TENM1: variants seen among roughly 807,000 people sequenced by gnomAD.
TENM1 encodes the protein teneurin-1.
TENM1 carries 35 observed loss-of-function variants against 174.8 expected under a neutral mutation model. That is an observed-to-expected ratio of 0.20 (90% CI 0.15 to 0.27). The LOEUF is 0.27. TENM1 is among the 10% of genes least tolerant of loss of function. The pLI, the probability that TENM1 is intolerant of heterozygous loss-of-function variation, is 1.00. For missense variants in TENM1, 1,633 were observed against 2,130.1 expected (o/e 0.77, Z 4.59); for synonymous variants, 781 against 798.7 (o/e 0.98, Z 0.37).
At chrX:124,880,235 T>C (rs1346065951) in intron 3 of TENM1, among the ~76,000 whole-genome samples, 2 of 111,775 alleles carry the variant, frequency 1.8e-5, no homozygotes, top group Admixed American at 1.9e-4. Flanking sequence ...TTCTTGGTAG[T>C]GGTCTTTCAG....
chrX:124,636,754 ATTT>A (rs1266622622), intron 11 of TENM1, among the ~76,000 whole-genome samples: 1 of 111,860 alleles, frequency 8.9e-6, no homozygotes, highest in Non-Finnish European at 1.9e-5. Flanking sequence ...TGGACCAATT[ATTT>A]AACCTTTCTG....
chrX:124,642,484 T>C (rs2051043561), intron 10 of TENM1, among the ~76,000 whole-genome samples: 1 of 112,564 alleles, frequency 8.9e-6, no homozygotes, highest in Admixed American at 9.4e-5. Context: ...GTGAATGCTG[T>C]TGCATGAAAT....
chrX:124,635,968 G>A (rs2050868539), intron 11 of TENM1, among the ~76,000 whole-genome samples: 1 of 111,987 alleles, frequency 8.9e-6, no homozygotes, highest in Non-Finnish European at 1.9e-5. Flanking sequence ...AGGCCATCAG[G>A]TTAAAGAAGC....
At chrX:125,129,750 ATCCATGT>A in the TENM1 span, among the ~76,000 whole-genome samples, 2 of 111,049 alleles carry the variant, frequency 1.8e-5, no homozygotes, top group Admixed American at 9.7e-5. Context: ...CTCCAGTTCC[ATCCATGT>A]TCCTGCAAAT....
intron 11 of TENM1, among the ~76,000 whole-genome samples, chrX:124,636,951 A>G (rs1286193477): frequency 8.9e-6 from 1 of 112,037 alleles, no homozygotes; most frequent in Non-Finnish European, 1.9e-5. Flanking sequence ...TAATAGATGA[A>G]TATTTCACAT....
the TENM1 span, among the ~76,000 whole-genome samples, chrX:125,105,694 T>C: frequency 9.0e-6 from 1 of 111,653 alleles, no homozygotes; most frequent in Non-Finnish European, 1.9e-5. Context: ...GGAAGGACAG[T>C]GACAGCACAG....
the TENM1 span, among the ~76,000 whole-genome samples, chrX:125,051,167 C>T: frequency 2.7e-5 from 3 of 111,303 alleles, no homozygotes; most frequent in African/African-American, 6.5e-5. Flanking sequence ...TCAAGGAGAA[C>T]TACAAACCAC....
At chrX:125,173,479 A>G in the TENM1 span, among the ~76,000 whole-genome samples, 1 of 110,926 alleles carries the variant, frequency 9.0e-6, no homozygotes, top group Non-Finnish European at 1.9e-5. Flanking sequence ...TACTAGTGCT[A>G]AGTATAGTGC....
chrX:124,425,627 CTAAA>C (rs1463101304), intron 23 of TENM1, among the ~76,000 whole-genome samples: 1 of 112,180 alleles, frequency 8.9e-6, no homozygotes, highest in Non-Finnish European at 1.9e-5. Context: ...GAACCAAGAG[CTAAA>C]TAAATGTTTT....
chrX:125,133,546 G>A, the TENM1 span, among the ~76,000 whole-genome samples: 1 of 111,483 alleles, frequency 9.0e-6, no homozygotes, highest in Non-Finnish European at 1.9e-5. Flanking sequence ...GGCATCAAGA[G>A]AAATTAGCAG....
chrX:124,631,770 T>C (rs746281863), intron 11 of TENM1, among the ~76,000 whole-genome samples: 186 of 106,207 alleles, frequency 1.8e-3, no homozygotes, highest in African/African-American at 5.9e-3. Flanking sequence ...TGTGGTGGCA[T>C]GTGCCTGTAA....
the TENM1 span, among the ~76,000 whole-genome samples, chrX:125,004,952 G>A: frequency 1.8e-5 from 2 of 110,790 alleles, no homozygotes; most frequent in Non-Finnish European, 3.8e-5. Flanking sequence ...GACTGGCTCA[G>A]GATACTAGAG....
At chrX:124,970,015 C>T in the TENM1 span, among the ~76,000 whole-genome samples, 240 of 111,889 alleles carry the variant, frequency 2.1e-3, 2 homozygotes, top group Middle Eastern at 9.2e-3. Flanking sequence ...CCTTTGTCCT[C>T]CTCTCCCTAT....
intron 25 of TENM1, among the ~76,000 whole-genome samples, chrX:124,412,482 C>T (rs1386435727): frequency 8.9e-6 from 1 of 112,044 alleles, no homozygotes; most frequent in East Asian, 2.8e-4. Flanking sequence ...TAGAGGCTCC[C>T]ACACCTTTGC....
At chrX:124,540,392 AC>A (rs2048292932) in intron 15 of TENM1, among the ~76,000 whole-genome samples, 3 of 112,211 alleles carry the variant, frequency 2.7e-5, no homozygotes, top group Non-Finnish European at 5.6e-5. Flanking sequence ...CTCTGGAAAT[AC>A]CAATATTGTA....
the TENM1 span, among the ~76,000 whole-genome samples, chrX:125,032,445 C>T: frequency 9.0e-6 from 1 of 111,140 alleles, no homozygotes. Context: ...GCTGGGATTA[C>T]AGGAGTGAGC....
chrX:125,112,513 TTG>T, the TENM1 span, among the ~76,000 whole-genome samples: 1 of 111,170 alleles, frequency 9.0e-6, no homozygotes, highest in East Asian at 2.8e-4. Flanking sequence ...GAGATTCTCA[TTG>T]AGGAGAATAT....
At chrX:125,007,592 C>G in the TENM1 span, among the ~76,000 whole-genome samples, 1 of 110,959 alleles carries the variant, frequency 9.0e-6, no homozygotes, top group Non-Finnish European at 1.9e-5. Flanking sequence ...TCAGATTTTC[C>G]AAGGTTGAAA....
chrX:125,068,953 A>G, the TENM1 span, among the ~76,000 whole-genome samples: 1 of 112,321 alleles, frequency 8.9e-6, no homozygotes, highest in Non-Finnish European at 1.9e-5. Context: ...GCAGAGCTTT[A>G]AATACTACAA....
Sources: allele counts gnomAD v4.1 joint callset (sites outside exome capture counted in the v4.1 genomes callset), GRCh38; gene constraint gnomAD v4.1.1; transcripts MANE v1.5; gene names NCBI Gene and HGNC (gene_info 2026-07-23, HGNC 2026-07-21).